The following CACNA2D1 variants were observed in gnomAD, a reference collection of about 807,000 sequenced individuals.
CACNA2D1 encodes the protein calcium voltage-gated channel auxiliary subunit alpha2delta 1, also known as voltage-dependent calcium channel subunit alpha-2/delta-1.
A neutral mutation model predicts 171.5 loss-of-function variants in CACNA2D1; 53 were observed. That is an observed-to-expected ratio of 0.31 (90% CI 0.25 to 0.39). The LOEUF (loss-of-function observed/expected upper bound fraction) is 0.39. Ranked by LOEUF, CACNA2D1 falls within the 10% of genes least tolerant of loss-of-function variation. The pLI is 1.00. For missense variants in CACNA2D1, 903 were observed against 1,299.8 expected, an observed-to-expected ratio of 0.69 and a Z score of 4.69; for synonymous variants, 442 against 443.1, an observed-to-expected ratio of 1.00 and a Z score of 0.03.
intron 1 of CACNA2D1, 125 bp downstream of exon 1, chr7:82,443,240 G>A: frequency 1.1e-6 from 1 of 897,788 alleles, no homozygotes; most frequent in East Asian, 3.4e-5. Flanking sequence ...ATCCGAGCCT[G>A]GCTCCCCGGC....
Position 82,349,594 on chromosome 7 carries a change from C to T in CACNA2D1, c.151G>A (p.Ala51Thr). 1 of 1,613,950 alleles carries T rather than the reference C, an allele frequency of 6.2e-7. No individual in the cohort carries two copies. Among genetic ancestry groups the T allele is most frequent in the Non-Finnish European group, 8.5e-7 (1 of 1,179,846 alleles). ...QEDLVTLAKT[A>T]SGVNQLVDIY... ...TCAACAAGCTGATTGACTCCACTTG[C>T]TGTTTTTGCCAGTGTGACAAGGTCT... Residue 51 changes from alanine (A) to threonine (T), a missense_variant, in exon 2 of 39, where the codon GCA becomes ACA. Physicochemically the swap from Ala to Thr is moderately conservative, Grantham distance 58. Around this residue, in one of 5 missense-constraint regions of CACNA2D1, gnomAD observed 189 missense variants for 266.8 expected, o/e 0.71. Transcript: ENST00000356860.
chr7:82,356,219 T>C (rs1350135022), intron 1 of CACNA2D1, among the ~76,000 whole-genome samples: 3 of 152,130 alleles, frequency 2.0e-5, no homozygotes. Flanking sequence ...AACTAAGAGA[T>C]GAAGAAAATT....
At chr7:82,243,580 T>C (rs999276422) in intron 3 of CACNA2D1, among the ~76,000 whole-genome samples, 1 of 152,196 alleles carries the variant, frequency 6.6e-6, no homozygotes, top group Non-Finnish European at 1.5e-5. Flanking sequence ...AAACGTGTTT[T>C]TGTTTTGGTT....
At chr7:82,072,707 T>C (rs1808468071) in intron 7 of CACNA2D1, among the ~76,000 whole-genome samples, 2 of 151,972 alleles carry the variant, frequency 1.3e-5, no homozygotes, top group African/African-American at 4.8e-5. Context: ...GGACCTAGCC[T>C]AGTGTAGAAA....
At chr7:82,131,084 G>A (rs975534978) in intron 5 of CACNA2D1, among the ~76,000 whole-genome samples, 2 of 152,176 alleles carry the variant, frequency 1.3e-5, no homozygotes, top group African/African-American at 4.8e-5. Context: ...TTACAGGCAT[G>A]AGCCACCGCG....
chr7:82,181,202 A>G (rs575632097), intron 3 of CACNA2D1, among the ~76,000 whole-genome samples: 6 of 151,772 alleles, frequency 4.0e-5, no homozygotes, highest in Non-Finnish European at 7.4e-5. Flanking sequence ...AGGCCTAGAA[A>G]TGGATGTCAA....
At chr7:82,413,966 G>A (rs6961106) in intron 1 of CACNA2D1, among the ~76,000 whole-genome samples, 27,081 of 152,060 alleles carry the variant, frequency 0.18, 2,999 homozygotes, top group African/African-American at 0.31. Context: ...AATCTGAGAT[G>A]TAATAATAAT....
chr7:82,023,273 G>A (rs1801470201), intron 12 of CACNA2D1, among the ~76,000 whole-genome samples: 1 of 151,906 alleles, frequency 6.6e-6, no homozygotes, highest in Non-Finnish European at 1.5e-5. Flanking sequence ...ACAGCTGTGT[G>A]AGGAGATTAA....
In CACNA2D1 at chr7:81,990,558, A is replaced by AG. The variant is rs200381319; in HGVS notation, c.1796+626_1796+627insC. 4.6e-3 allele frequency among the ~76,000 whole-genome samples: 703 copies of AG among 152,198 alleles called. 8 individuals carry two copies. Among genetic ancestry groups the AG allele is most frequent in the African/African-American group, 0.016 (668 of 41,528 alleles). ...GGGAATTTCAGAAAGGAAAAAAAAA[A>AG]CAGAATGAGTAATGACGACACACTC... On this transcript the variant is annotated intron_variant, in intron 21 of 38. Coordinates refer to ENST00000356860, the MANE Select transcript of CACNA2D1 (RefSeq NM_000722.4).
intron 4 of CACNA2D1, among the ~76,000 whole-genome samples, chr7:82,136,967 C>T (rs1791691602): frequency 6.6e-6 from 1 of 152,098 alleles, no homozygotes; most frequent in African/African-American, 2.4e-5. Flanking sequence ...TAGACAAACA[C>T]ATATATACAC....
At chr7:82,100,123 CT>C (rs2129034089) in intron 6 of CACNA2D1, among the ~76,000 whole-genome samples, 1 of 152,204 alleles carries the variant, frequency 6.6e-6, no homozygotes, top group African/African-American at 2.4e-5. Context: ...CATCTACACA[CT>C]GCAAAAACCT....
intron 31 of CACNA2D1, among the ~76,000 whole-genome samples, 184 bp from the exon 32 acceptor site, chr7:81,965,849 C>G (rs1335979737): frequency 6.6e-6 from 1 of 151,678 alleles, no homozygotes; most frequent in African/African-American, 2.4e-5. Context: ...TATATCAAAC[C>G]ATCAGGCTTG....
chr7:82,263,851 AC>A (rs1293403939), intron 3 of CACNA2D1, among the ~76,000 whole-genome samples: 1 of 152,124 alleles, frequency 6.6e-6, no homozygotes, highest in African/African-American at 2.4e-5. Context: ...AGAGAAGATT[AC>A]CCCAATCTCT....
chr7:82,156,768 T>G (rs2129123544), intron 4 of CACNA2D1, among the ~76,000 whole-genome samples: 1 of 152,176 alleles, frequency 6.6e-6, no homozygotes, highest in East Asian at 1.9e-4. Context: ...AACTTTTTCT[T>G]GAGTTAAATG....
At chr7:82,036,518 C>T (rs1803305537) in intron 11 of CACNA2D1, among the ~76,000 whole-genome samples, 2 of 152,184 alleles carry the variant, frequency 1.3e-5, no homozygotes, top group South Asian at 4.1e-4. Context: ...AAATGCCACA[C>T]TTTTCCTGAC....
intron 3 of CACNA2D1, among the ~76,000 whole-genome samples, chr7:82,318,471 A>C (rs1815377602): frequency 6.6e-6 from 1 of 152,170 alleles, no homozygotes; most frequent in Non-Finnish European, 1.5e-5. Context: ...TGAGATTAAC[A>C]AAAACTCATG....
At chr7:82,342,023 C>T (rs1380158653) in intron 2 of CACNA2D1, among the ~76,000 whole-genome samples, 1 of 134,638 alleles carries the variant, frequency 7.4e-6, no homozygotes, top group Non-Finnish European at 1.5e-5. Flanking sequence ...CACGGTGCTC[C>T]AGCCTGGGCT....
At chr7:82,132,875 T>C (rs1389779516) in intron 5 of CACNA2D1, among the ~76,000 whole-genome samples, 2 of 152,200 alleles carry the variant, frequency 1.3e-5, no homozygotes, top group Non-Finnish European at 2.9e-5. Context: ...TAAAGCACTC[T>C]GAGCTTGTCC....
chr7:82,189,340 C>A (rs1438241678), intron 3 of CACNA2D1, among the ~76,000 whole-genome samples: 1 of 151,908 alleles, frequency 6.6e-6, no homozygotes, highest in African/African-American at 2.4e-5. Flanking sequence ...TCTAGAAAGA[C>A]TCAGCAGGCT....
Sources: allele counts gnomAD v4.1 joint callset (sites outside exome capture counted in the v4.1 genomes callset), GRCh38; gene constraint gnomAD v4.1.1; regional missense constraint gnomAD v4.1.1; transcripts MANE v1.5; gene names NCBI Gene and HGNC (gene_info 2026-07-23, HGNC 2026-07-21).